The following ARHGAP6 variants were observed in gnomAD, a reference collection of about 807,000 sequenced individuals.
The protein encoded by ARHGAP6 is rho GTPase-activating protein 6.
In ARHGAP6, 16 loss-of-function variants were observed where a neutral mutation model predicts 55.7. The observed-to-expected ratio is 0.29, with a 90% CI of 0.19 to 0.44. The LOEUF (loss-of-function observed/expected upper bound fraction) is 0.44, where lower values mean the gene tolerates loss of function less well. ARHGAP6 is among the 20% of genes least tolerant of loss of function. The pLI is 1.00. For synonymous variants in ARHGAP6, 382 were observed against 360.9 expected, an observed-to-expected ratio of 1.06 and a Z score of -0.66; for missense variants, 698 against 808.9, an observed-to-expected ratio of 0.86 and a Z score of 1.66.
At chrX:11,556,988 A>G (rs746264758) in intron 1 of ARHGAP6, among the ~76,000 whole-genome samples, 3 of 111,812 alleles carry the variant, frequency 2.7e-5, no homozygotes, top group African/African-American at 9.8e-5. Flanking sequence ...ACAACAATCA[A>G]ATTTCTACCC....
chrX:11,271,736 G>A (rs1488610989), intron 1 of ARHGAP6, among the ~76,000 whole-genome samples: 1 of 111,355 alleles, frequency 9.0e-6, no homozygotes, highest in Non-Finnish European at 1.9e-5. Flanking sequence ...ATTCTAAGTG[G>A]GGAAAAGCAA....
At chrX:11,468,007 T>A (rs2050312419) in intron 1 of ARHGAP6, among the ~76,000 whole-genome samples, 1 of 104,828 alleles carries the variant, frequency 9.5e-6, no homozygotes, top group Non-Finnish European at 2.0e-5. Context: ...AATAAATAAA[T>A]AAATAAATAA....
chrX:11,387,823 G>C (rs753675975), intron 1 of ARHGAP6, among the ~76,000 whole-genome samples: 1 of 110,885 alleles, frequency 9.0e-6, no homozygotes, highest in African/African-American at 3.3e-5. Context: ...TTGTCCTTGC[G>C]ATAGTTTGCT....
chrX:11,274,803 C>CAA (rs2147520902), intron 1 of ARHGAP6, among the ~76,000 whole-genome samples: 1 of 110,836 alleles, frequency 9.0e-6, no homozygotes, highest in Non-Finnish European at 1.9e-5. Flanking sequence ...CCGGACAGGA[C>CAA]CCAGTGTGTG....
intron 1 of ARHGAP6, among the ~76,000 whole-genome samples, chrX:11,408,091 TA>T (rs957648646): frequency 1.8e-5 from 2 of 110,138 alleles, no homozygotes; most frequent in Non-Finnish European, 3.8e-5. Flanking sequence ...CACTATAACT[TA>T]AAAAAAATCA....
rs941923674 is a variant in ARHGAP6, at chrX:11,548,296, A to C, written c.588+115945T>G. ...ATCCTCTCTCCTAGTTTTTTGACAT[A>C]TACAATAAGTTATAGTCAACCATAT... On this transcript the variant is annotated intron_variant, in intron 1 of 12. Coordinates refer to ENST00000337414, the MANE Select transcript of ARHGAP6 (RefSeq NM_013427.3). 4.5e-5 allele frequency among the ~76,000 whole-genome samples: 5 copies of C among 111,813 alleles called. 1 individual carries two copies. Among genetic ancestry groups the C allele is most frequent in the Admixed American group, 3.8e-4 (4 of 10,543 alleles).
At chrX:11,141,533 T>G (rs1375946588) in intron 12 of ARHGAP6, among the ~76,000 whole-genome samples, 1 of 112,256 alleles carries the variant, frequency 8.9e-6, no homozygotes, top group East Asian at 2.8e-4. Context: ...CACTGAAAAA[T>G]ACTGGTAGGA....
intron 1 of ARHGAP6, among the ~76,000 whole-genome samples, chrX:11,354,323 CTCTCTATATATA>C (rs2048905071): frequency 3.5e-5 from 2 of 57,133 alleles, no homozygotes; most frequent in Non-Finnish European, 3.1e-5. Flanking sequence ...CTCTCTCTCT[CTCTCTATATATA>C]TATATATATA....
intron 1 of ARHGAP6, among the ~76,000 whole-genome samples, chrX:11,546,333 G>A (rs772222121): frequency 3.9e-4 from 43 of 110,516 alleles, no homozygotes; most frequent in African/African-American, 1.3e-3. Context: ...TTTAATCATG[G>A]TAGTAAGAAT....
At chrX:11,482,401 C>T (rs751668422) in intron 1 of ARHGAP6, among the ~76,000 whole-genome samples, 31 of 111,951 alleles carry the variant, frequency 2.8e-4, no homozygotes, top group Admixed American at 8.5e-4. Context: ...CCAAAATTCC[C>T]GTTCTCACGT....
intron 1 of ARHGAP6, among the ~76,000 whole-genome samples, chrX:11,469,021 C>T (rs985927870): frequency 8.9e-6 from 1 of 112,289 alleles, no homozygotes; most frequent in Non-Finnish European, 1.9e-5. Flanking sequence ...ATCTGCAAAT[C>T]AGGAAGAAGG....
At chrX:11,351,343 AT>A in intron 1 of ARHGAP6, 1 of 958,725 alleles carries the variant, frequency 1.0e-6, no homozygotes, top group Non-Finnish European at 1.3e-6. Flanking sequence ...AAACATTCAT[AT>A]CATATAACTA....
At chrX:11,238,684 TTC>T (rs1376547858) in intron 2 of ARHGAP6, among the ~76,000 whole-genome samples, 28 of 111,999 alleles carry the variant, frequency 2.5e-4, no homozygotes, top group Admixed American at 5.7e-4. Context: ...TTTGGTTGTA[TTC>T]TGTCTTGCAC....
chrX:11,453,076 A>T (rs1186526730), intron 1 of ARHGAP6, among the ~76,000 whole-genome samples: 1 of 105,223 alleles, frequency 9.5e-6, no homozygotes, highest in Admixed American at 1.0e-4. Flanking sequence ...TGGAAAACCC[A>T]GAAATAATTA....
chrX:11,185,164 G>GTGTGTGTGTGTGTA (rs1555966896), intron 5 of ARHGAP6, among the ~76,000 whole-genome samples: 33 of 110,658 alleles, frequency 3.0e-4, no homozygotes, highest in Non-Finnish European at 5.7e-4. Flanking sequence ...GTGTGTGTGT[G>GTGTGTGTGTGTGTA]TGTGTGTGTG....
At chrX:11,231,683 T>C (rs1205534952) in intron 2 of ARHGAP6, among the ~76,000 whole-genome samples, 1 of 112,428 alleles carries the variant, frequency 8.9e-6, no homozygotes, top group African/African-American at 3.2e-5. Flanking sequence ...TCTGCCCTGA[T>C]TTCTGTGCAT....
At chrX:11,361,093 G>C (rs1603128554) in intron 1 of ARHGAP6, among the ~76,000 whole-genome samples, 2 of 109,583 alleles carry the variant, frequency 1.8e-5, no homozygotes, top group African/African-American at 6.7e-5. Flanking sequence ...GTAATTTATA[G>C]ATTCAATGCC....
intron 1 of ARHGAP6, among the ~76,000 whole-genome samples, chrX:11,562,860 G>A (rs747019785): frequency 1.8e-5 from 2 of 111,783 alleles, no homozygotes; most frequent in East Asian, 2.8e-4. Context: ...GCAAACTCAC[G>A]CCTCCTAGAA....
At chrX:11,169,828 G>T (rs1423291518) in intron 8 of ARHGAP6, 144 bp from the exon 9 acceptor site, 4 of 415,914 alleles carry the variant, frequency 9.6e-6, no homozygotes, top group African/African-American at 8.0e-5. Context: ...ATCCATGGAG[G>T]GCATCATTAT....
Sources: gnomAD v4.1 joint callset for allele counts (sites outside exome capture counted in the v4.1 genomes callset) on GRCh38, gnomAD v4.1.1 for gene constraint, MANE v1.5 for transcripts, NCBI Gene and HGNC (gene_info 2026-07-23, HGNC 2026-07-21) for gene names.